Variants in ANK2 observed in about 807,000 individuals in gnomAD.
ANK2 encodes the protein ankyrin 2.
A neutral mutation model predicts 360.5 loss-of-function variants in ANK2; 83 were observed. The observed-to-expected ratio is 0.23, with a 90% CI of 0.19 to 0.28. ANK2 has a LOEUF of 0.28. Ranked by LOEUF, ANK2 falls within the 10% of genes least tolerant of loss-of-function variation. ANK2 has a pLI of 1.00. For synonymous variants in ANK2, 1,740 were observed against 1,759.5 expected (o/e 0.99, Z 0.28); for missense variants, 4,201 against 4,795.7 (o/e 0.88, Z 3.66).
intron 2 of ANK2, among the ~76,000 whole-genome samples, chr4:112,964,949 C>T (rs748811823): frequency 6.6e-6 from 1 of 152,088 alleles, no homozygotes; most frequent in African/African-American, 2.4e-5. Flanking sequence ...TGAACAGTAC[C>T]GTAACAAACA....
chr4:112,713,138 C>T, the ANK2 span, among the ~76,000 whole-genome samples: 1 of 152,068 alleles, frequency 6.6e-6, no homozygotes, highest in South Asian at 2.1e-4. Flanking sequence ...TGATTTTTTT[C>T]AATCAGCATA....
intron 1 of ANK2, among the ~76,000 whole-genome samples, chr4:113,110,023 A>G (rs2094120227): frequency 6.6e-6 from 1 of 152,174 alleles, no homozygotes; most frequent in Non-Finnish European, 1.5e-5. Flanking sequence ...ATAAAATGAA[A>G]AGTGCTGGTC....
intron 1 of ANK2, among the ~76,000 whole-genome samples, chr4:113,062,265 A>G (rs2073862055): frequency 6.6e-6 from 1 of 152,110 alleles, no homozygotes; most frequent in South Asian, 2.1e-4. Flanking sequence ...TCAGGTGTCA[A>G]GGGTCATGTG....
chr4:112,855,615 C>T (rs762729842), intron 1 of ANK2, among the ~76,000 whole-genome samples: 11 of 151,996 alleles, frequency 7.2e-5, no homozygotes, highest in Non-Finnish European at 1.3e-4. Flanking sequence ...TTACTATATG[C>T]CAGGTATTGT....
chr4:113,355,393 G>A lies in ANK2; in HGVS notation c.6775G>A (p.Gly2259Arg). ...FSPKKSEEQT[G>R]ETKESTKTET... ...ACCAAAGAAAAGTGAGGAGCAAACT[G>A]GGGAAACAAAGGAAAGCACCAAGAC... The change falls in exon 38 of 46, where the codon GGG becomes AGG. Residue 2259 changes from glycine to arginine, a missense_variant. By Grantham distance (125) the Gly-to-Arg change is moderately radical. This residue lies in a region of ANK2 where 2,642 missense variants were observed against 2,714.5 expected (regional missense o/e 0.97). Coordinates refer to ENST00000357077, the MANE Select transcript of ANK2 (RefSeq NM_001148.6). 1 of 1,614,022 alleles carries A rather than the reference G, an allele frequency of 6.2e-7. No homozygotes were observed. The highest frequency in any genetic ancestry group is 8.5e-7 in the Non-Finnish European group (1 of 1,179,982).
At chr4:112,740,930 C>T in the ANK2 span, among the ~76,000 whole-genome samples, 1 of 151,802 alleles carries the variant, frequency 6.6e-6, no homozygotes, top group African/African-American at 2.4e-5. Flanking sequence ...GCAGAGGTTG[C>T]AGTGAGCCGA....
At chr4:113,062,030 C>G (rs1003407136) in intron 1 of ANK2, among the ~76,000 whole-genome samples, 3 of 151,854 alleles carry the variant, frequency 2.0e-5, no homozygotes, top group Non-Finnish European at 4.4e-5. Context: ...TGAAAAGCAA[C>G]TAAAAAAAAA....
At chr4:113,243,905 GC>G (rs1229085068) in intron 9 of ANK2, among the ~76,000 whole-genome samples, 1 of 152,078 alleles carries the variant, frequency 6.6e-6, no homozygotes, top group African/African-American at 2.4e-5. Flanking sequence ...GATGCACATT[GC>G]TTTTATTAAT....
chr4:112,784,440 C>T, the ANK2 span, among the ~76,000 whole-genome samples: 1 of 148,598 alleles, frequency 6.7e-6, no homozygotes, highest in African/African-American at 2.5e-5. Context: ...TCACTGCAAG[C>T]TCCGCCTCCC....
intron 15 of ANK2, among the ~76,000 whole-genome samples, chr4:113,276,058 C>T (rs2060136945): frequency 1.3e-5 from 2 of 151,128 alleles, no homozygotes; most frequent in Non-Finnish European, 2.9e-5. Context: ...TCTTCTGCCT[C>T]AGCCTCCCGA....
In ANK2 at chr4:112,846,125, C is replaced by CT. The variant is rs543550505; in HGVS notation, c.-40+27869dup. On this transcript the variant is annotated intron_variant, in intron 1 of 30. Transcript: ENST00000503271. ...TCCTATTAAATTTTTTTCTTTCTTT[C>CT]TTTTTTTTGAGATAGGGTCTCACTT... 5.4e-3 allele frequency among the ~76,000 whole-genome samples: 820 copies of CT among 151,184 alleles called. 9 individuals are homozygous for CT. Among genetic ancestry groups the CT allele is most frequent in the African/African-American group, 0.019 (786 of 40,864 alleles).
intron 1 of ANK2, among the ~76,000 whole-genome samples, chr4:113,058,194 C>T (rs1198625524): frequency 1.3e-5 from 2 of 152,018 alleles, no homozygotes; most frequent in Non-Finnish European, 2.9e-5. Flanking sequence ...TCAAAGAACA[C>T]ACATAGTTAA....
Position 113,356,640 on chromosome 4 carries a change from A to G in ANK2, c.8022A>G (p.Lys2674=), listed in dbSNP as rs756498583. Residue 2674 remains lysine, a synonymous_variant, in exon 38 of 46, where the codon AAA becomes AAG. Coordinates refer to ENST00000357077, the MANE Select transcript of ANK2 (RefSeq NM_001148.6). The part of the protein sequence containing the change: ...SESEPELAQL[K]KGADSGLLPE... Reference sequence around the variant, plus strand: ...GTGAACCTGAGTTGGCACAGCTTAAAAAAGGTGCTGACTCAGGCCTTTTAC... The same window carrying G: ...GTGAACCTGAGTTGGCACAGCTTAAGAAAGGTGCTGACTCAGGCCTTTTAC... 6.2e-7 allele frequency: 1 copy of G among 1,614,082 alleles called. No homozygotes were observed. The highest frequency in any genetic ancestry group is 8.5e-7 in the Non-Finnish European group (1 of 1,179,962).
the ANK2 span, among the ~76,000 whole-genome samples, chr4:112,744,415 C>T: frequency 4.6e-5 from 7 of 150,780 alleles, no homozygotes; most frequent in Admixed American, 6.6e-5. Context: ...GGCACGACCT[C>T]GGCTCACTGT....
intron 1 of ANK2, among the ~76,000 whole-genome samples, chr4:112,839,991 G>A (rs2061761177): frequency 6.6e-6 from 1 of 152,100 alleles, no homozygotes; most frequent in Non-Finnish European, 1.5e-5. Flanking sequence ...CCATTCATTC[G>A]ATAATAATTG....
At chr4:112,973,927 A>C (rs2040475043) in intron 2 of ANK2, among the ~76,000 whole-genome samples, 1 of 152,232 alleles carries the variant, frequency 6.6e-6, no homozygotes, top group Non-Finnish European at 1.5e-5. Context: ...CTCATTCTAC[A>C]AGCTATCACA....
intron 1 of ANK2, among the ~76,000 whole-genome samples, chr4:112,828,146 G>A (rs2058818396): frequency 6.6e-6 from 1 of 151,630 alleles, no homozygotes; most frequent in Non-Finnish European, 1.5e-5. Flanking sequence ...ACACTGCTGG[G>A]ATAACTGGCT....
intron 4 of ANK2, among the ~76,000 whole-genome samples, chr4:113,203,734 A>G (rs1562861635): frequency 2.6e-5 from 4 of 152,220 alleles, no homozygotes; most frequent in Non-Finnish European, 2.9e-5. Context: ...CCTTTACTTT[A>G]TCATTATTGA....
At chr4:112,962,360 A>G (rs2035261997) in intron 2 of ANK2, among the ~76,000 whole-genome samples, 1 of 152,120 alleles carries the variant, frequency 6.6e-6, no homozygotes, top group South Asian at 2.1e-4. Context: ...CCATGTTGCT[A>G]CAAGGGACAT....
Sources: gnomAD v4.1 joint callset for allele counts (sites outside exome capture counted in the v4.1 genomes callset) on GRCh38, gnomAD v4.1.1 for gene constraint, gnomAD v4.1.1 regional missense constraint, MANE v1.5 for transcripts, NCBI Gene and HGNC (gene_info 2026-07-23, HGNC 2026-07-21) for gene names.